TBC1D4: variants seen among roughly 807,000 people sequenced by gnomAD.
TBC1D4 encodes TBC1 domain family member 4, also known as TBC (Tre-2, BUB2, CDC16) domain-containing protein.
In TBC1D4, 121 loss-of-function variants were observed where a neutral mutation model predicts 142.5. The ratio of observed to expected loss-of-function variants is 0.85; its 90% CI spans 0.73 to 0.99. TBC1D4 has a LOEUF of 0.99. Among genes scored for constraint, TBC1D4 ranks in the 50% least tolerant of loss-of-function variants. The pLI, the probability that TBC1D4 is intolerant of heterozygous loss-of-function variation, is 0.00. For missense variants in TBC1D4, 1,475 were observed against 1,606.6 expected (o/e 0.92, Z 1.40); for synonymous variants, 630 against 628.2 (o/e 1.00, Z -0.04).
chr13:75,306,818 AAGAC>A (rs1877235800), intron 14 of TBC1D4, among the ~76,000 whole-genome samples: 1 of 152,212 alleles, frequency 6.6e-6, no homozygotes, highest in Non-Finnish European at 1.5e-5. Flanking sequence ...CATACATGAG[AAGAC>A]AAAGACTCAT....
chr13:75,391,423 G>A (rs1042692110), intron 1 of TBC1D4, among the ~76,000 whole-genome samples: 3 of 152,088 alleles, frequency 2.0e-5, no homozygotes, highest in African/African-American at 7.2e-5. Context: ...CAAAGCAGCC[G>A]GTATGACTGC....
Position 75,283,551 on chromosome 13 carries a change from C to T in TBC1D4, c.*3241G>A, listed in dbSNP as rs543466841. 6.6e-6 allele frequency among the ~76,000 whole-genome samples: 1 copy of T among 152,284 alleles called. No individual in the cohort carries two copies. The highest frequency in any genetic ancestry group is 2.4e-5 in the African/African-American group (1 of 41,566). ...ATACATGAGAATACTCCAAGAGATG[C>T]ATATTTTATATAAAAACATTCATAT... On this transcript the variant is annotated 3_prime_UTR_variant, in exon 21 of 21. Transcript: ENST00000377636.
At chr13:75,423,139 C>T (rs541078151) in intron 1 of TBC1D4, among the ~76,000 whole-genome samples, 145 of 152,202 alleles carry the variant, frequency 9.5e-4, no homozygotes, top group African/African-American at 3.2e-3. Context: ...GAAACATTAG[C>T]CCAAAGTTAT....
Position 75,359,785 on chromosome 13 carries a change from A to G in TBC1D4, c.1154T>C (p.Ile385Thr), listed in dbSNP as rs762964975. The G allele has an allele frequency of 1.9e-6, 3 of 1,612,570 alleles. No homozygotes were observed. Among genetic ancestry groups the G allele is most frequent in the Admixed American group, 3.3e-5 (2 of 60,024 alleles). Residue 385 changes from isoleucine to threonine, a missense_variant, in exon 3 of 21, where the codon ATC becomes ACC. By Grantham distance (89) the Ile-to-Thr change is moderately conservative (BLOSUM62 -1). Coordinates refer to ENST00000377636, the MANE Select transcript of TBC1D4 (RefSeq NM_014832.5). Reference sequence around the variant, plus strand: ...GATACATACCTGAGAACAAGAGGAGATATCTTTAAAATTCTTTTCTAGCAC... The same window carrying G: ...GATACATACCTGAGAACAAGAGGAGGTATCTTTAAAATTCTTTTCTAGCAC... ...SVVLEKNFKD[I>T]SSCSQGIKHV...
At chr13:75,473,663 C>T (rs1365716621) in intron 1 of TBC1D4, among the ~76,000 whole-genome samples, 1 of 152,164 alleles carries the variant, frequency 6.6e-6, no homozygotes, top group Non-Finnish European at 1.5e-5. Flanking sequence ...ATCCTCTTTC[C>T]AACCCCAACA....
At chr13:75,295,916 T>C (rs565727072) in intron 17 of TBC1D4, among the ~76,000 whole-genome samples, 1 of 152,304 alleles carries the variant, frequency 6.6e-6, no homozygotes, top group East Asian at 1.9e-4. Context: ...CTTCTTTCAC[T>C]AGAAGAAATT....
intron 1 of TBC1D4, among the ~76,000 whole-genome samples, chr13:75,423,629 G>C (rs1886257538): frequency 6.6e-6 from 1 of 152,104 alleles, no homozygotes; most frequent in Non-Finnish European, 1.5e-5. Context: ...TAGGTATTAA[G>C]GGCAAGAGAA....
At chr13:75,328,204 AC>A (rs1391983630) in intron 8 of TBC1D4, among the ~76,000 whole-genome samples, 2 of 152,236 alleles carry the variant, frequency 1.3e-5, no homozygotes, top group Non-Finnish European at 2.9e-5. Flanking sequence ...CTTAATACAT[AC>A]AACCTAGATC....
chr13:75,405,055 A>G (rs1310374637), intron 1 of TBC1D4, among the ~76,000 whole-genome samples: 1 of 152,166 alleles, frequency 6.6e-6, no homozygotes, highest in Non-Finnish European at 1.5e-5. Context: ...CATCTTTCTT[A>G]TGTATGGGTC....
At chr13:75,297,531 A>T (rs1216067209) in intron 17 of TBC1D4, among the ~76,000 whole-genome samples, 1 of 152,118 alleles carries the variant, frequency 6.6e-6, no homozygotes, top group Non-Finnish European at 1.5e-5. Flanking sequence ...AGGCAGGTGG[A>T]TCACCTGAGG....
intron 1 of TBC1D4, among the ~76,000 whole-genome samples, chr13:75,384,204 G>A (rs181203445): frequency 3.9e-4 from 60 of 152,330 alleles, no homozygotes; most frequent in African/African-American, 6.5e-4. Context: ...GGGAGGCTGA[G>A]GCGGGCAGAT....
intron 1 of TBC1D4, among the ~76,000 whole-genome samples, chr13:75,379,725 A>C (rs554911840): frequency 6.6e-6 from 1 of 152,192 alleles, no homozygotes; most frequent in Admixed American, 6.5e-5. Flanking sequence ...TCAGAAAATG[A>C]TTATCAGTCT....
intron 1 of TBC1D4, among the ~76,000 whole-genome samples, chr13:75,475,677 C>T (rs982732084): frequency 6.6e-6 from 1 of 152,212 alleles, no homozygotes; most frequent in Non-Finnish European, 1.5e-5. Context: ...AGTTTCCTCA[C>T]CAAGCAATTA....
chr13:75,286,346 G>A lies in TBC1D4; in HGVS notation c.*446C>T, dbSNP rs1243153398. 1 of 161,018 alleles carries A rather than the reference G, an allele frequency of 6.2e-6. No individual in the cohort carries two copies. The highest frequency in any genetic ancestry group is 2.4e-5 in the African/African-American group (1 of 41,416). The allele number at this position is 161,018 out of a possible 1,614,324, so 10.0% of individuals were successfully genotyped here. ...TGAGTGAAACATGCTGTTCTTTGGA[G>A]AAAAAAATACATTCATTTTTTTCAA... On this transcript the variant is annotated 3_prime_UTR_variant, in exon 21 of 21. Coordinates refer to ENST00000377636, the MANE Select transcript of TBC1D4 (RefSeq NM_014832.5).
intron 1 of TBC1D4, among the ~76,000 whole-genome samples, chr13:75,474,284 G>A (rs1888537468): frequency 6.6e-6 from 1 of 152,214 alleles, no homozygotes; most frequent in South Asian, 2.1e-4. Flanking sequence ...AACTGGCCGG[G>A]CACAGTGGCT....
At chr13:75,455,911 C>T (rs1172184112) in intron 1 of TBC1D4, among the ~76,000 whole-genome samples, 1 of 152,090 alleles carries the variant, frequency 6.6e-6, no homozygotes, top group Non-Finnish European at 1.5e-5. Flanking sequence ...ATTAACCAAT[C>T]AACTGCCTAA....
chr13:75,329,293 G>A (rs963292072), intron 8 of TBC1D4, among the ~76,000 whole-genome samples: 1 of 151,854 alleles, frequency 6.6e-6, no homozygotes, highest in African/African-American at 2.4e-5. Flanking sequence ...TGTTTTTCAT[G>A]GAGTTAGTGA....
chr13:75,314,770 TA>T (rs1486909131), intron 12 of TBC1D4, among the ~76,000 whole-genome samples: 1 of 128,740 alleles, frequency 7.8e-6, no homozygotes, highest in Admixed American at 7.9e-5. Context: ...AGTTCAAGAG[TA>T]GCATGGCCAA....
intron 1 of TBC1D4, among the ~76,000 whole-genome samples, chr13:75,401,835 G>A (rs1168924835): frequency 6.6e-6 from 1 of 152,206 alleles, no homozygotes; most frequent in Non-Finnish European, 1.5e-5. Context: ...CATGGAGACA[G>A]ACCCTTTTTC....
Sources: allele counts gnomAD v4.1 joint callset (sites outside exome capture counted in the v4.1 genomes callset), GRCh38; gene constraint gnomAD v4.1.1; transcripts MANE v1.5; gene names NCBI Gene and HGNC (gene_info 2026-07-23, HGNC 2026-07-21).